The following GAS2 variants were observed in gnomAD, a reference collection of about 807,000 sequenced individuals.
The protein encoded by GAS2 is growth arrest specific 2, also known as growth arrest-specific protein 2.
Under a neutral mutation model 37.5 loss-of-function variants are expected in GAS2, and 20 were observed. The ratio of observed to expected loss-of-function variants is 0.53; its 90% CI spans 0.37 to 0.77. The LOEUF (loss-of-function observed/expected upper bound fraction) is 0.77. Among genes scored for constraint, GAS2 ranks in the 30% least tolerant of loss-of-function variants. GAS2 has a pLI of 0.00. For synonymous variants in GAS2, 144 were observed against 132.2 expected (o/e 1.09, Z -0.61); for missense variants, 336 against 373.4 (o/e 0.90, Z 0.82).
chr11:22,648,317 G>T (rs1033182362), intron 1 of GAS2, among the ~76,000 whole-genome samples: 1 of 152,102 alleles, frequency 6.6e-6, no homozygotes, highest in Admixed American at 6.5e-5. Flanking sequence ...TGCTGTTTTG[G>T]TTATTGTAGC....
At chr11:22,760,327 C>T (rs1000039566) in intron 7 of GAS2, among the ~76,000 whole-genome samples, 2 of 152,046 alleles carry the variant, frequency 1.3e-5, no homozygotes, top group Non-Finnish European at 2.9e-5. Flanking sequence ...GCAGCATCAG[C>T]ATCATTTGGA....
At chr11:22,761,842 A>C (rs1206284459) in intron 7 of GAS2, among the ~76,000 whole-genome samples, 2 of 152,080 alleles carry the variant, frequency 1.3e-5, no homozygotes, top group African/African-American at 4.8e-5. Flanking sequence ...TGGGCACTAA[A>C]CCCTGGCAGC....
rs182407191 is a variant in GAS2 at position 22,667,453 on chromosome 11, G to A, written c.-21+554G>A. 7.2e-4 allele frequency among the ~76,000 whole-genome samples: 110 copies of A among 152,278 alleles called. 3 individuals carry two copies. In the South Asian group the frequency reaches 0.012, roughly 16 times the overall value. On this transcript the variant is annotated intron_variant, in intron 1 of 7. Coordinates refer to ENST00000454584, the MANE Select transcript of GAS2 (RefSeq NM_001143830.3). Reference sequence around the variant, plus strand: ...ATCTGGGGTGATACTCACTGTGTCTGATGAGTTTGATGAAATTGAGTTTTA... The same window carrying A: ...ATCTGGGGTGATACTCACTGTGTCTAATGAGTTTGATGAAATTGAGTTTTA...
At chr11:22,653,605 G>T (rs888850320) in intron 1 of GAS2, among the ~76,000 whole-genome samples, 10 of 152,150 alleles carry the variant, frequency 6.6e-5, no homozygotes, top group Non-Finnish European at 1.2e-4. Flanking sequence ...TTTTAAACCT[G>T]TACTATAGGC....
At chr11:22,684,332 A>C (rs181712178) in intron 2 of GAS2, among the ~76,000 whole-genome samples, 1 of 152,322 alleles carries the variant, frequency 6.6e-6, no homozygotes, top group East Asian at 1.9e-4. Flanking sequence ...TAGCCATCTT[A>C]ATTTTAGCAG....
intron 5 of GAS2, among the ~76,000 whole-genome samples, chr11:22,744,664 A>G (rs1419823616): frequency 1.3e-5 from 2 of 152,028 alleles, no homozygotes; most frequent in Admixed American, 6.6e-5. Context: ...AAGAATAAGA[A>G]CCATCTATGA....
intron 2 of GAS2, among the ~76,000 whole-genome samples, chr11:22,681,031 A>G (rs1309463689): frequency 6.6e-6 from 1 of 152,248 alleles, no homozygotes; most frequent in Non-Finnish European, 1.5e-5. Context: ...TGCTTAGAAC[A>G]GTACTTGACA....
At chr11:22,808,985 A>C (rs2134690444) in intron 7 of GAS2, among the ~76,000 whole-genome samples, 1 of 152,328 alleles carries the variant, frequency 6.6e-6, no homozygotes, top group African/African-American at 2.4e-5. Context: ...TCAGGTGCTA[A>C]GAATCTGGCT....
chr11:22,668,232 A>G (rs149434807), intron 1 of GAS2: 2 of 152,474 alleles, frequency 1.3e-5, no homozygotes, highest in South Asian at 2.1e-4. Context: ...ATATTGATCA[A>G]TGAACTCCTT....
chr11:22,695,175 G>C (rs761694985), intron 3 of GAS2, among the ~76,000 whole-genome samples: 14 of 152,034 alleles, frequency 9.2e-5, no homozygotes, highest in Non-Finnish European at 1.0e-4. Flanking sequence ...AAAAAAATTA[G>C]CTGGGTGTGG....
chr11:22,688,088 A>G (rs1323008722), intron 3 of GAS2, among the ~76,000 whole-genome samples: 1 of 152,208 alleles, frequency 6.6e-6, no homozygotes, highest in Admixed American at 6.5e-5. Context: ...ACCCTAAAGC[A>G]TTAGCCTATA....
chr11:22,652,176 G>A (rs944255845), intron 1 of GAS2, among the ~76,000 whole-genome samples: 4 of 151,992 alleles, frequency 2.6e-5, no homozygotes, highest in African/African-American at 9.7e-5. Context: ...TGGAGTACCC[G>A]GCCGTGTGAG....
chr11:22,763,860 C>T (rs1309776615), intron 7 of GAS2, among the ~76,000 whole-genome samples: 3 of 152,106 alleles, frequency 2.0e-5, no homozygotes, highest in Non-Finnish European at 4.4e-5. Flanking sequence ...TCAGTTCTCC[C>T]AACTGCCTCA....
At chr11:22,793,441 A>G (rs930070582) in intron 7 of GAS2, among the ~76,000 whole-genome samples, 2 of 152,196 alleles carry the variant, frequency 1.3e-5, no homozygotes, top group African/African-American at 4.8e-5. Context: ...AAAGAAGTCA[A>G]CTAGTATAGT....
intron 7 of GAS2, among the ~76,000 whole-genome samples, chr11:22,774,072 C>A (rs147091649): frequency 6.6e-6 from 1 of 152,214 alleles, no homozygotes; most frequent in African/African-American, 2.4e-5. Context: ...CGGCTCACTG[C>A]AACCTCCGCC....
At chr11:22,707,198 C>T (rs891321839) in intron 3 of GAS2, among the ~76,000 whole-genome samples, 2 of 152,090 alleles carry the variant, frequency 1.3e-5, no homozygotes, top group African/African-American at 4.8e-5. Context: ...GATAGTAGTG[C>T]TTTGTTTTGC....
chr11:22,729,978 A>T (rs1485959610), intron 4 of GAS2, among the ~76,000 whole-genome samples: 1 of 151,820 alleles, frequency 6.6e-6, no homozygotes, highest in Non-Finnish European at 1.5e-5. Context: ...GGCAATTAGT[A>T]GAGATAGGAA....
At chr11:22,687,887 A>G (rs1850042340) in intron 3 of GAS2, among the ~76,000 whole-genome samples, 1 of 152,198 alleles carries the variant, frequency 6.6e-6, no homozygotes, top group African/African-American at 2.4e-5. Flanking sequence ...TGTATTGCTT[A>G]TTGTTGAGGA....
intron 1 of GAS2, among the ~76,000 whole-genome samples, chr11:22,671,304 A>T (rs1212458604): frequency 6.6e-6 from 1 of 152,056 alleles, no homozygotes. Context: ...CTGGATTCCT[A>T]GACCTAAGGG....
Sources: allele counts gnomAD v4.1 joint callset (sites outside exome capture counted in the v4.1 genomes callset), GRCh38; gene constraint gnomAD v4.1.1; transcripts MANE v1.5; gene names NCBI Gene and HGNC (gene_info 2026-07-23, HGNC 2026-07-21).